Variants in PUM1 observed in about 807,000 individuals in gnomAD.
The protein encoded by PUM1 is pumilio RNA binding family member 1.
A neutral mutation model predicts 131.8 loss-of-function variants in PUM1; 13 were observed. The observed-to-expected ratio is 0.10, with a 90% CI of 0.06 to 0.16. The LOEUF (loss-of-function observed/expected upper bound fraction) is 0.16. PUM1 is among the 10% of genes least tolerant of loss of function. The pLI is 1.00. For missense variants in PUM1, 961 were observed against 1,512.4 expected (o/e 0.64, Z 6.05); for synonymous variants, 509 against 556.5 (o/e 0.91, Z 1.20).
intron 20 of PUM1, 136 bp downstream of exon 20, chr1:30,941,015 A>G: frequency 9.4e-7 from 1 of 1,059,192 alleles, no homozygotes; most frequent in East Asian, 2.7e-5. Context: ...CTTTGTAATA[A>G]AACTATTTGA....
chr1:31,005,455 A>G (rs1039806035), intron 5 of PUM1, among the ~76,000 whole-genome samples: 2 of 152,194 alleles, frequency 1.3e-5, no homozygotes, highest in Non-Finnish European at 2.9e-5. Context: ...TTGGCAAATC[A>G]CTGCTCTCAA....
chr1:30,974,375 T>G (rs1399559792), intron 10 of PUM1, among the ~76,000 whole-genome samples: 1 of 152,200 alleles, frequency 6.6e-6, no homozygotes, highest in Admixed American at 6.5e-5. Context: ...AATTTTACTG[T>G]AACTTTGAAG....
rs779494964 is a variant in PUM1 at position 31,059,432 on chromosome 1, T to C, written c.135A>G (p.Gln45=). 4 of 1,614,058 alleles carry C rather than the reference T, an allele frequency of 2.5e-6. No homozygotes were observed. Among genetic ancestry groups the C allele is most frequent in the East Asian group, 4.5e-5 (2 of 44,890 alleles). ...GATTTGCAGCTGGTTGTGGCTGCGC[T>C]TGCGACCCTGTTCCAGATGTCAAAA... ...PVVLTSGTGS[Q]AQPQPAANQA... Residue 45 remains glutamine, a synonymous_variant, in exon 2 of 22, where the codon CAA becomes CAG. Coordinates refer to ENST00000426105, the MANE Select transcript of PUM1 (RefSeq NM_001020658.2).
At chr1:31,063,836 A>G (rs1376503697) in intron 1 of PUM1, among the ~76,000 whole-genome samples, 1 of 152,228 alleles carries the variant, frequency 6.6e-6, no homozygotes, top group African/African-American at 2.4e-5. Context: ...TTCTCAAACC[A>G]GAGAAAACCT....
At chr1:31,009,782 A>AAACAAAAAAC in intron 3 of PUM1, among the ~76,000 whole-genome samples, 1 of 125,354 alleles carries the variant, frequency 8.0e-6, no homozygotes, top group African/African-American at 3.3e-5. Context: ...AAAAAAAAAA[A>AAACAAAAAAC]AAAAACAAAA....
chr1:30,987,972 C>T (rs1038956800), intron 7 of PUM1, among the ~76,000 whole-genome samples: 1 of 152,212 alleles, frequency 6.6e-6, no homozygotes, highest in African/African-American at 2.4e-5. Context: ...AGTACATCTA[C>T]TTCTATTTCA....
chr1:30,975,803 A>T (rs1475935466), intron 9 of PUM1, among the ~76,000 whole-genome samples: 4 of 152,062 alleles, frequency 2.6e-5, no homozygotes, highest in Admixed American at 1.3e-4. Flanking sequence ...TGAGAACCTT[A>T]AACAAAATTA....
intron 9 of PUM1, among the ~76,000 whole-genome samples, chr1:30,977,104 A>G (rs1435135211): frequency 6.6e-6 from 1 of 152,184 alleles, no homozygotes; most frequent in Non-Finnish European, 1.5e-5. Context: ...TCTAAACACA[A>G]AGTTCATTTA....
chr1:30,981,518 CAAT>C, intron 7 of PUM1, 113 bp from the exon 8 acceptor site: 2 of 563,802 alleles, frequency 3.5e-6, no homozygotes, highest in Non-Finnish European at 3.2e-6. Context: ...GACACCTTAA[CAAT>C]AAATGTTCTC....
chr1:30,958,545 T>C (rs1426034278), intron 14 of PUM1, among the ~76,000 whole-genome samples: 2 of 152,100 alleles, frequency 1.3e-5, no homozygotes, highest in African/African-American at 4.8e-5. Flanking sequence ...TGGAGAAGCA[T>C]TCTAAGAAAT....
At chr1:31,033,367 G>C (rs1643499533) in intron 2 of PUM1, among the ~76,000 whole-genome samples, 1 of 142,208 alleles carries the variant, frequency 7.0e-6, no homozygotes, top group Admixed American at 7.2e-5. Context: ...ACCACATCCA[G>C]CTAATTTTCT....
At chr1:30,959,497 G>A (rs952259155) in intron 14 of PUM1, among the ~76,000 whole-genome samples, 1 of 152,030 alleles carries the variant, frequency 6.6e-6, no homozygotes, top group Non-Finnish European at 1.5e-5. Flanking sequence ...AAAGCCACAT[G>A]ATGGTCAGTT....
At chr1:30,954,131 G>T in intron 14 of PUM1, 150 bp from the exon 15 acceptor site, 1 of 832,666 alleles carries the variant, frequency 1.2e-6, no homozygotes, top group East Asian at 2.6e-5. Context: ...TTAGCGTCAT[G>T]ACTTTCGTGG....
intron 15 of PUM1, among the ~76,000 whole-genome samples, chr1:30,952,683 C>CG (rs1233416238): frequency 0.057 from 2,374 of 41,694 alleles, 82 homozygotes; most frequent in Non-Finnish European, 0.065. Flanking sequence ...GCGGGGGGGG[C>CG]GGGGGGGGGG....
At chr1:31,041,500 T>C (rs1198240560) in intron 2 of PUM1, among the ~76,000 whole-genome samples, 1 of 152,196 alleles carries the variant, frequency 6.6e-6, no homozygotes, top group African/African-American at 2.4e-5. Flanking sequence ...GAAATGTGAC[T>C]TCTAAGGTTG....
intron 7 of PUM1, among the ~76,000 whole-genome samples, chr1:30,984,277 C>CT (rs1641464541): frequency 6.6e-6 from 1 of 152,192 alleles, no homozygotes; most frequent in African/African-American, 2.4e-5. Flanking sequence ...GGCACATTCT[C>CT]TTTATGTAAA....
At chr1:31,038,984 A>ATATATATATATTTTTTTT in intron 2 of PUM1, among the ~76,000 whole-genome samples, 8 of 49,408 alleles carry the variant, frequency 1.6e-4, no homozygotes, top group South Asian at 8.2e-4. Context: ...ATATATATAT[A>ATATATATATATTTTTTTT]TTTTTTTTTT....
chr1:30,971,528 A>G (rs916560179), intron 10 of PUM1, among the ~76,000 whole-genome samples: 2 of 152,348 alleles, frequency 1.3e-5, no homozygotes, highest in Non-Finnish European at 2.9e-5. Flanking sequence ...CCTAGTTGTA[A>G]GCTAGTTAAC....
intron 7 of PUM1, among the ~76,000 whole-genome samples, chr1:30,983,168 GTCTC>G (rs1641419072): frequency 6.6e-6 from 1 of 152,246 alleles, no homozygotes; most frequent in Non-Finnish European, 1.5e-5. Flanking sequence ...CTAAAGATGT[GTCTC>G]ACACAGTATT....
Sources: allele counts gnomAD v4.1 joint callset (sites outside exome capture counted in the v4.1 genomes callset), GRCh38; gene constraint gnomAD v4.1.1; transcripts MANE v1.5; gene names NCBI Gene and HGNC (gene_info 2026-07-23, HGNC 2026-07-21).